The following PTPRT variants were observed in gnomAD, a reference collection of about 807,000 sequenced individuals.
PTPRT encodes the protein receptor-type tyrosine-protein phosphatase T.
PTPRT carries 56 observed loss-of-function variants against 176.8 expected under a neutral mutation model. The observed-to-expected ratio is 0.32, with a 90% CI of 0.26 to 0.40. The LOEUF (loss-of-function observed/expected upper bound fraction) is 0.40. Among genes scored for constraint, PTPRT ranks in the 10% least tolerant of loss-of-function variants. PTPRT has a pLI of 1.00. For missense variants in PTPRT, 1,540 were observed against 1,908.2 expected (o/e 0.81, Z 3.60); for synonymous variants, 783 against 739.0 (o/e 1.06, Z -0.96).
chr20:42,736,678 T>A (rs774517488), intron 6 of PTPRT, among the ~76,000 whole-genome samples: 2 of 151,486 alleles, frequency 1.3e-5, no homozygotes, highest in Non-Finnish European at 2.9e-5. Flanking sequence ...CTGAGAACTA[T>A]GGCTGGAGAG....
chr20:42,849,370 T>C (rs566771114), intron 2 of PTPRT, among the ~76,000 whole-genome samples: 1 of 152,376 alleles, frequency 6.6e-6, no homozygotes, highest in South Asian at 2.1e-4. Context: ...ACAGAACTCC[T>C]TGGAGTGACA....
At chr20:43,087,817 A>G (rs2011659700) in intron 1 of PTPRT, among the ~76,000 whole-genome samples, 1 of 152,180 alleles carries the variant, frequency 6.6e-6, no homozygotes, top group East Asian at 1.9e-4. Flanking sequence ...ACACTGGCCT[A>G]TGGAGCTCTG....
At chr20:42,821,936 C>G (rs1600791086) in intron 2 of PTPRT, among the ~76,000 whole-genome samples, 1 of 152,106 alleles carries the variant, frequency 6.6e-6, no homozygotes, top group Non-Finnish European at 1.5e-5. Flanking sequence ...AAAAACATTC[C>G]ATCCTCATGG....
intron 2 of PTPRT, among the ~76,000 whole-genome samples, chr20:42,856,570 G>A (rs374739408): frequency 4.2e-4 from 64 of 152,204 alleles, no homozygotes; most frequent in African/African-American, 1.4e-3. Context: ...AAGACCGGGA[G>A]TGTATCAGCT....
At chr20:42,510,973 G>A (rs1022729385) in intron 7 of PTPRT, among the ~76,000 whole-genome samples, 5 of 152,106 alleles carry the variant, frequency 3.3e-5, no homozygotes, top group Non-Finnish European at 5.9e-5. Context: ...TGACGGCTCT[G>A]CCCTGATGAA....
At chr20:42,716,710 C>A (rs755678104) in intron 6 of PTPRT, among the ~76,000 whole-genome samples, 4 of 152,088 alleles carry the variant, frequency 2.6e-5, no homozygotes, top group African/African-American at 7.2e-5. Context: ...GATTATAAAT[C>A]ATGCTGCTAT....
At chr20:42,554,863 G>A (rs2072832819) in intron 7 of PTPRT, among the ~76,000 whole-genome samples, 1 of 152,106 alleles carries the variant, frequency 6.6e-6, no homozygotes, top group African/African-American at 2.4e-5. Context: ...AGGCAAGTTG[G>A]GGAGTTATTA....
intron 17 of PTPRT, among the ~76,000 whole-genome samples, chr20:42,149,422 AT>A (rs11479052): frequency 0.74 from 107,036 of 143,902 alleles, 40,946 homozygotes; most frequent in Non-Finnish European, 0.84. Context: ...AAAGTTTTGG[AT>A]TTTTTTTTTT....
intron 13 of PTPRT, among the ~76,000 whole-genome samples, chr20:42,276,496 A>AATATATATAT (rs61484693): frequency 6.3e-4 from 28 of 44,182 alleles, no homozygotes; most frequent in Non-Finnish European, 1.1e-3. Context: ...GAAAGAAGGA[A>AATATATATAT]ATATATATAT....
intron 13 of PTPRT, among the ~76,000 whole-genome samples, chr20:42,268,860 G>A (rs1250313875): frequency 6.6e-6 from 1 of 152,112 alleles, no homozygotes; most frequent in East Asian, 1.9e-4. Context: ...TCCTTTACTG[G>A]GCGGGTGTGA....
intron 7 of PTPRT, among the ~76,000 whole-genome samples, chr20:42,552,979 C>A (rs2072795533): frequency 6.6e-6 from 1 of 152,060 alleles, no homozygotes; most frequent in Admixed American, 6.6e-5. Context: ...AGTAGCGGTA[C>A]AGTCAATTTT....
chr20:42,859,523 A>T (rs995889290), intron 2 of PTPRT, among the ~76,000 whole-genome samples: 1 of 150,666 alleles, frequency 6.6e-6, no homozygotes, highest in Non-Finnish European at 1.5e-5. Context: ...TGTTAATTAT[A>T]TCAATCATTT....
chr20:42,429,793 C>T lies in PTPRT; in HGVS notation c.1560+18427G>A, dbSNP rs1052609623. Among the ~76,000 whole-genome samples the T allele has an allele frequency of 2.6e-4, 39 of 152,104 alleles. 1 individual carries two copies. Among genetic ancestry groups the T allele is most frequent in the Non-Finnish European group, 5.3e-4 (36 of 68,014 alleles). On this transcript the variant is annotated intron_variant, in intron 9 of 30. Coordinates refer to ENST00000373187, the MANE Select transcript of PTPRT (RefSeq NM_007050.6). ...AAGTAGGAAGCCCTCATCCAGGTGC[C>T]GAGGGTCAAAATATGCCCCAAAGAA... is the stretch of plus-strand genomic sequence containing the variant.
chr20:42,370,634 A>G (rs2213632), intron 9 of PTPRT, among the ~76,000 whole-genome samples: 22 of 152,316 alleles, frequency 1.4e-4, no homozygotes, highest in African/African-American at 4.8e-4. Flanking sequence ...TCCCTTTCTT[A>G]TAGGTCAGAA....
chr20:42,460,023 C>T (rs915785665), intron 8 of PTPRT, among the ~76,000 whole-genome samples: 2 of 152,168 alleles, frequency 1.3e-5, no homozygotes, highest in South Asian at 2.1e-4. Flanking sequence ...TTGCCATTTA[C>T]TGAGATGGAG....
At chr20:42,196,846 T>C (rs1461101154) in intron 16 of PTPRT, among the ~76,000 whole-genome samples, 1 of 152,206 alleles carries the variant, frequency 6.6e-6, no homozygotes, top group Non-Finnish European at 1.5e-5. Context: ...ATAATCAGTA[T>C]GTGCCATTAG....
intron 12 of PTPRT, among the ~76,000 whole-genome samples, chr20:42,308,588 C>T (rs914224523): frequency 5.9e-5 from 9 of 152,124 alleles, no homozygotes; most frequent in Non-Finnish European, 8.8e-5. Flanking sequence ...AACTGTAATG[C>T]GATAAGATAC....
chr20:43,099,353 A>C (rs2012299187), intron 1 of PTPRT, among the ~76,000 whole-genome samples: 2 of 152,246 alleles, frequency 1.3e-5, no homozygotes, highest in African/African-American at 2.4e-5. Flanking sequence ...CAGATCAAAG[A>C]AGCATGGACC....
At chr20:42,192,130 T>A (rs184330006) in intron 16 of PTPRT, among the ~76,000 whole-genome samples, 1 of 152,258 alleles carries the variant, frequency 6.6e-6, no homozygotes, top group African/African-American at 2.4e-5. Context: ...GCAAAATGAC[T>A]GACCCAGAGA....
Sources: gnomAD v4.1 joint callset for allele counts (sites outside exome capture counted in the v4.1 genomes callset) on GRCh38, gnomAD v4.1.1 for gene constraint, MANE v1.5 for transcripts, NCBI Gene and HGNC (gene_info 2026-07-23, HGNC 2026-07-21) for gene names.